The following RRBP1 variants were observed in gnomAD, a reference collection of about 807,000 sequenced individuals.
The protein encoded by RRBP1 is ribosome-binding protein 1.
Under a neutral mutation model 165.2 loss-of-function variants are expected in RRBP1, and 94 were observed. The ratio of observed to expected loss-of-function variants is 0.57; its 90% CI spans 0.48 to 0.68. The LOEUF (loss-of-function observed/expected upper bound fraction) is 0.68, where lower values mean the gene tolerates loss of function less well. Among genes scored for constraint, RRBP1 ranks in the 30% least tolerant of loss-of-function variants. RRBP1 has a pLI of 0.00. For missense variants in RRBP1, 1,676 were observed against 1,763.0 expected, an observed-to-expected ratio of 0.95 and a Z score of 0.88; for synonymous variants, 680 against 714.5, an observed-to-expected ratio of 0.95 and a Z score of 0.77.
At chr20:17,676,070 G>A (rs2037076162) in intron 2 of RRBP1, among the ~76,000 whole-genome samples, 1 of 152,230 alleles carries the variant, frequency 6.6e-6, no homozygotes, top group South Asian at 2.1e-4. Flanking sequence ...TTCACTGGGT[G>A]TGGTAGCATG....
In RRBP1 at chr20:17,635,175, C is replaced by T. The variant is rs145752438; in HGVS notation, c.2456+371G>A. On this transcript the variant is annotated intron_variant, in intron 7 of 24. Coordinates refer to ENST00000377813, the MANE Select transcript of RRBP1 (RefSeq NM_001365613.2). ...AACTCCGGAGGGGAAGTGCACCCTC[C>T]GGCCCACTTGCTGTGGGCTGCGGTG... Among the ~76,000 whole-genome samples, 701 of 152,296 alleles carry T rather than the reference C, an allele frequency of 4.6e-3. 1 individual carries two copies. Among genetic ancestry groups the T allele is most frequent in the African/African-American group, 0.015 (639 of 41,556 alleles).
In RRBP1 at chr20:17,627,642, G is replaced by A. The variant is rs768143590; in HGVS notation, c.2790C>T (p.Arg930=). The change falls in exon 10 of 25, where the codon CGC becomes CGT. Residue 930 remains arginine (R), a synonymous_variant. Coordinates refer to ENST00000377813, the MANE Select transcript of RRBP1 (RefSeq NM_001365613.2). ...SKLQSSEAEV[R]SKCEELSGLH... ...GGCCACTCAGCTCCTCGCATTTGCT[G>A]CGCACCTCCGCCTCGGAGGACTGTA... is the stretch of plus-strand genomic sequence containing the variant. 6 of 1,611,876 alleles carry A rather than the reference G, an allele frequency of 3.7e-6. No individual in the cohort carries two copies. The Admixed American group carries it at 1.0e-4, about 27-fold the overall frequency.
chr20:17,653,038 G>A (rs3828008), intron 3 of RRBP1, among the ~76,000 whole-genome samples: 1,727 of 152,320 alleles, frequency 0.011, 74 homozygotes, highest in East Asian at 0.073. Context: ...CAGAGACAAG[G>A]TGGGAAATCA....
chr20:17,659,524 C>T lies in RRBP1; in HGVS notation c.984G>A (p.Gln328=), dbSNP rs181899366. The T allele has an allele frequency of 1.6e-4, 241 of 1,548,824 alleles. No individual in the cohort carries two copies. The African/African-American group carries it at 3.1e-3, about 20-fold the overall frequency. ...QGKKGEGAQN[Q]GKKAEGAQNQ... is the part of the protein sequence containing the mutation. ...TCTGGGCCCCCTCGGCCTTCTTGCC[C>T]TGGTTCTGGGCCCCCTCTCCCTTTT... The change falls in exon 3 of 25, where the codon CAG becomes CAA. Residue 328 remains glutamine, a synonymous_variant. Coordinates refer to ENST00000377813, the MANE Select transcript of RRBP1 (RefSeq NM_001365613.2).
Position 17,641,563 on chromosome 20 carries a change from A to G in RRBP1, c.2184+234T>C, listed in dbSNP as rs1309346529. 5.2e-6 allele frequency: 3 copies of G among 581,412 alleles called. No individual in the cohort carries two copies. The East Asian group carries it at 8.7e-5, about 17-fold the overall frequency. 36.0% of individuals were successfully genotyped at this position (581,412 alleles called of 1,614,324 possible). A position where few individuals can be genotyped will look rare whatever the true frequency, so the allele number is the denominator to read the frequency against. The stretch of plus-strand genomic sequence containing the variant: ...CCTTGCTTCACTTCCCTGCGTTCTT[A>G]CAGCCACGAAGGAAGCCACCACGCC... On this transcript the variant is annotated intron_variant, in intron 5 of 24. Coordinates refer to ENST00000377813, the MANE Select transcript of RRBP1 (RefSeq NM_001365613.2).
At chr20:17,676,547 C>G (rs1165056085) in intron 2 of RRBP1, among the ~76,000 whole-genome samples, 1 of 152,138 alleles carries the variant, frequency 6.6e-6, no homozygotes, top group Non-Finnish European at 1.5e-5. Context: ...ATGACTAGTC[C>G]GGTCACACCG....
At chr20:17,616,518 C>A (rs10222001) in intron 21 of RRBP1, among the ~76,000 whole-genome samples, 3 of 152,192 alleles carry the variant, frequency 2.0e-5, no homozygotes, top group Non-Finnish European at 4.4e-5. Flanking sequence ...CCACCTCCCC[C>A]CAACTCCTCC....
intron 3 of RRBP1, among the ~76,000 whole-genome samples, chr20:17,656,691 T>C (rs1035227705): frequency 6.6e-6 from 1 of 152,252 alleles, no homozygotes; most frequent in African/African-American, 2.4e-5. Context: ...AAAAATCTGT[T>C]CAATTATTCT....
In RRBP1 at chr20:17,614,100, G is replaced by T; in HGVS notation, c.*82C>A. On this transcript the variant is annotated 3_prime_UTR_variant, in exon 25 of 25. Coordinates refer to ENST00000377813, the MANE Select transcript of RRBP1 (RefSeq NM_001365613.2). Reference sequence around the variant, plus strand: ...GGAAGTTGGGCCTGGATAACGCTGTGTAGGTTGGTTGGTTTATTTGTAAGG... The same window carrying T: ...GGAAGTTGGGCCTGGATAACGCTGTTTAGGTTGGTTGGTTTATTTGTAAGG... 7.2e-7 allele frequency: 1 copy of T among 1,396,960 alleles called. No homozygotes were observed. Among genetic ancestry groups the T allele is most frequent in the Non-Finnish European group, 1.0e-6 (1 of 983,026 alleles). The allele number at this position is 1,396,960 out of a possible 1,614,324, so 86.5% of individuals were successfully genotyped here. A position where few individuals can be genotyped will look rare whatever the true frequency, so the allele number is the denominator to read the frequency against.
chr20:17,625,721 G>C lies in RRBP1; in HGVS notation c.2964-119C>G. On this transcript the variant is annotated intron_variant, in intron 11 of 24. Transcript: ENST00000377813. ...GAGGCTGAACCATCTGGCCAGGGAC[G>C]GTCCCTTCTGGCTGCCCCCACCTCA... 6.1e-6 allele frequency: 5 copies of C among 822,672 alleles called. 1 individual carries two copies. In the South Asian group the frequency reaches 7.9e-5, roughly 13 times the overall value. 51.0% of individuals were successfully genotyped at this position (822,672 alleles called of 1,614,324 possible).
intron 9 of RRBP1, among the ~76,000 whole-genome samples, chr20:17,628,241 C>T (rs1301468283): frequency 6.6e-6 from 1 of 152,170 alleles, no homozygotes; most frequent in Non-Finnish European, 1.5e-5. Flanking sequence ...AGGCTGCACT[C>T]TCCCCAACCC....
intron 8 of RRBP1, among the ~76,000 whole-genome samples, chr20:17,631,516 C>A (rs1452991356): frequency 6.6e-6 from 1 of 152,262 alleles, no homozygotes; most frequent in Admixed American, 6.5e-5. Context: ...TGACAACTGT[C>A]TTTGCCTTGA....
At chr20:17,648,067 T>C (rs1230210723) in intron 3 of RRBP1, among the ~76,000 whole-genome samples, 2 of 152,180 alleles carry the variant, frequency 1.3e-5, no homozygotes, top group Non-Finnish European at 2.9e-5. Flanking sequence ...ATTCAGAGGC[T>C]GAGGACAAGC....
chr20:17,616,769 G>A lies in RRBP1; in HGVS notation c.3830C>T (p.Ser1277Phe), dbSNP rs1315907387. 6.2e-7 allele frequency: 1 copy of A among 1,612,784 alleles called. No individual in the cohort carries two copies. Among genetic ancestry groups the A allele is most frequent in the East Asian group, 2.2e-5 (1 of 44,840 alleles). ...CTGCTCGGCTGGGGGCGCCTCTGGG[G>A]AGGAAGCTGGGGCCCCAGCTATGTC... ...DGDIAGAPAS[S>F]PEAPPAEQDP... Residue 1277 changes from serine (S) to phenylalanine (F), a missense_variant, in exon 21 of 25, where the codon TCC (serine) becomes TTC (phenylalanine). Ser to Phe is a radical substitution (Grantham distance 155). This residue lies in a region of RRBP1 where 1,184 missense variants were observed against 1,167.1 expected (regional missense o/e 1.01). Transcript: ENST00000377813.
Position 17,616,918 on chromosome 20 carries a change from G to A in RRBP1, c.3760-79C>T, listed in dbSNP as rs375371043. The A allele has an allele frequency of 1.1e-5, 13 of 1,150,158 alleles. No individual in the cohort carries two copies. The East Asian group carries it at 1.2e-4, about 10-fold the overall frequency. The allele number at this position is 1,150,158 out of a possible 1,614,324, so 71.2% of individuals were successfully genotyped here. ...TGCTCACTCCTGCAGGGACCCCCTC[G>A]GAGGACCGTAGCTGCTCTCAACAGC... On this transcript the variant is annotated intron_variant, in intron 20 of 24. Transcript: ENST00000377813.
intron 5 of RRBP1, among the ~76,000 whole-genome samples, chr20:17,638,551 T>C (rs2036289090): frequency 6.6e-6 from 1 of 152,212 alleles, no homozygotes; most frequent in Non-Finnish European, 1.5e-5. Context: ...GCCTCTAGGC[T>C]TTTTAAAGAG....
intron 2 of RRBP1, among the ~76,000 whole-genome samples, chr20:17,676,221 A>G (rs1044293194): frequency 6.6e-6 from 1 of 152,154 alleles, no homozygotes; most frequent in African/African-American, 2.4e-5. Flanking sequence ...ATAAAAAATC[A>G]AAAGGTAAGA....
In RRBP1 at chr20:17,658,581, A is replaced by C. The variant is rs1043601296; in HGVS notation, c.1912+15T>G. The C allele has an allele frequency of 3.2e-6, 5 of 1,568,834 alleles. No individual in the cohort carries two copies. The African/African-American group carries it at 6.9e-5, about 22-fold the overall frequency. On this transcript the variant is annotated intron_variant, in intron 3 of 24. Transcript: ENST00000377813. ...AGCCTTTCCTTCTAAGTTCATAAAGAAATCAGTTACTTACCAGGCTCACCT... is the reference window on the plus strand; with the variant it reads ...AGCCTTTCCTTCTAAGTTCATAAAGCAATCAGTTACTTACCAGGCTCACCT...
At chr20:17,635,159 G>A (rs1026538234) in intron 7 of RRBP1, among the ~76,000 whole-genome samples, 1 of 152,232 alleles carries the variant, frequency 6.6e-6, no homozygotes, top group Non-Finnish European at 1.5e-5. Flanking sequence ...CAACTCCGGA[G>A]GGGAAGTGCA....
Sources: gnomAD v4.1 joint callset for allele counts (sites outside exome capture counted in the v4.1 genomes callset) on GRCh38, gnomAD v4.1.1 for gene constraint, gnomAD v4.1.1 regional missense constraint, MANE v1.5 for transcripts, NCBI Gene and HGNC (gene_info 2026-07-23, HGNC 2026-07-21) for gene names.